CES5A: variants seen among roughly 807,000 people sequenced by gnomAD.
CES5A encodes carboxylesterase 5.
A neutral mutation model predicts 62.9 loss-of-function variants in CES5A; 67 were observed. The ratio of observed to expected loss-of-function variants is 1.07; its 90% CI spans 0.88 to 1.31. The LOEUF (loss-of-function observed/expected upper bound fraction) is 1.31, where lower values mean the gene tolerates loss of function less well. Ranked by LOEUF, CES5A falls within the 50% of genes most tolerant of loss-of-function variation. The pLI is 0.00. For synonymous variants in CES5A, 296 were observed against 280.8 expected (o/e 1.05, Z -0.54); for missense variants, 748 against 708.5 (o/e 1.06, Z -0.63).
chr16:55,929,467 C>T (rs1567358389), upstream of CES5A, among the ~76,000 whole-genome samples: 1 of 152,176 alleles, frequency 6.6e-6, no homozygotes, highest in Non-Finnish European at 1.5e-5. Flanking sequence ...GCACCCCACC[C>T]CCATGACTCC....
rs1233358584 is a variant in CES5A at position 55,863,405 on chromosome 16, C to A, written c.753G>T (p.Glu251Asp). 14 of 1,610,500 alleles carry A rather than the reference C, an allele frequency of 8.7e-6. No individual in the cohort carries two copies. Among genetic ancestry groups the A allele is most frequent in the Non-Finnish European group, 1.2e-5 (14 of 1,177,526 alleles). The change falls in exon 6 of 13, where the codon GAG becomes GAT. Residue 251 changes from glutamate to aspartate, a missense_variant. Transcript: ENST00000290567. ...AKGLFHKAIM[E>D]SGVAIIPYLE... is the part of the protein sequence containing the mutation. ...GGTAAGGGATGATGGCCACCCCACT[C>A]TCCATGATGGCTTTGTGGAATAAGC...
At chr16:55,891,601 C>A (rs1597137467) in intron 1 of CES5A, among the ~76,000 whole-genome samples, 1 of 152,288 alleles carries the variant, frequency 6.6e-6, no homozygotes, top group Middle Eastern at 3.4e-3. Flanking sequence ...CAAACAGTTG[C>A]ATTCTTTTGA....
intron 9 of CES5A, among the ~76,000 whole-genome samples, chr16:55,853,932 A>G (rs186106577): frequency 2.0e-4 from 31 of 152,308 alleles, no homozygotes; most frequent in Non-Finnish European, 3.8e-4. Flanking sequence ...GGAAGTGTAC[A>G]CCACATTGGG....
At chr16:55,855,092 G>C (rs2033213550) in intron 9 of CES5A, among the ~76,000 whole-genome samples, 1 of 152,170 alleles carries the variant, frequency 6.6e-6, no homozygotes, top group East Asian at 1.9e-4. Flanking sequence ...AGAGCTGCCT[G>C]TCCCCTCCTG....
At chr16:55,850,722 A>G (rs752310376) in intron 10 of CES5A, among the ~76,000 whole-genome samples, 1 of 152,218 alleles carries the variant, frequency 6.6e-6, no homozygotes, top group East Asian at 1.9e-4. Context: ...TCAGTTTTCA[A>G]TTATCTTGAG....
Position 55,860,335 on chromosome 16 carries a change from C to G in CES5A, c.916-648G>C, listed in dbSNP as rs1432303552. Among the ~76,000 whole-genome samples, 6 of 152,220 alleles carry G rather than the reference C, an allele frequency of 3.9e-5. No homozygotes were observed. In the East Asian group the frequency reaches 1.2e-3, roughly 29 times the overall value. ...TGAGAAGAGACTAATATAGCCTAGC[C>G]CAGAGATTCTCAAAGTGTGGTTCCT... On this transcript the variant is annotated intron_variant, in intron 7 of 12. Transcript: ENST00000290567.
At chr16:55,936,511 C>A (rs1456352193) in intron 2 of CES5A, among the ~76,000 whole-genome samples, 1 of 152,166 alleles carries the variant, frequency 6.6e-6, no homozygotes, top group Non-Finnish European at 1.5e-5. Flanking sequence ...TCTGTTGGAC[C>A]CAAGCATACA....
Position 55,946,551 on chromosome 16 carries a change from A to G in CES5A, c.160+3234T>C, listed in dbSNP as rs565025508. 9.2e-5 allele frequency among the ~76,000 whole-genome samples: 14 copies of G among 152,288 alleles called. No individual in the cohort carries two copies. In the East Asian group the frequency reaches 2.7e-3, roughly 29 times the overall value. On this transcript the variant is annotated intron_variant, in intron 2 of 13. Coordinates refer to the CES5A transcript ENST00000521992. ...TCAGTTCCTATGAGCAGCTGACCTCACTAACCTGAAACATACCTGAAATTC... is the reference window on the plus strand; with the variant it reads ...TCAGTTCCTATGAGCAGCTGACCTCGCTAACCTGAAACATACCTGAAATTC...
At chr16:55,910,564 C>T (rs151075499) in intron 1 of CES5A, among the ~76,000 whole-genome samples, 9 of 152,348 alleles carry the variant, frequency 5.9e-5, no homozygotes, top group Admixed American at 2.0e-4. Context: ...TCAATCACAA[C>T]GTAAACTCCG....
chr16:55,951,744 G>A lies in CES5A; in HGVS notation c.43-1842C>T, dbSNP rs555746972. Among the ~76,000 whole-genome samples, 86 of 152,188 alleles carry A rather than the reference G, an allele frequency of 5.7e-4. 1 individual carries two copies. The highest frequency in any genetic ancestry group is 2.0e-3 in the African/African-American group (82 of 41,536). On this transcript the variant is annotated intron_variant, in intron 1 of 13. Coordinates refer to the CES5A transcript ENST00000521992. ...GATAAAATATAACATCAATAGAGAC[G>A]ATATCTCAGCCATGAACTTTTATGC...
At chr16:55,897,942 A>T (rs1381732465) in intron 1 of CES5A, among the ~76,000 whole-genome samples, 12 of 152,232 alleles carry the variant, frequency 7.9e-5, no homozygotes, top group Non-Finnish European at 1.5e-4. Context: ...AATTTCCCAG[A>T]TAAAGTCAAA....
At chr16:55,881,338 G>A (rs761760334) in intron 1 of CES5A, among the ~76,000 whole-genome samples, 3 of 152,164 alleles carry the variant, frequency 2.0e-5, no homozygotes, top group Non-Finnish European at 4.4e-5. Context: ...TGAATGAATC[G>A]CGTGATGTGG....
At chr16:55,892,178 C>T (rs2033887177) in intron 1 of CES5A, among the ~76,000 whole-genome samples, 1 of 152,140 alleles carries the variant, frequency 6.6e-6, no homozygotes, top group African/African-American at 2.4e-5. Context: ...TCTATTGATC[C>T]CAGGTCTTTA....
chr16:55,890,848 C>T (rs2033869108), intron 1 of CES5A, among the ~76,000 whole-genome samples: 1 of 152,218 alleles, frequency 6.6e-6, no homozygotes, highest in Non-Finnish European at 1.5e-5. Context: ...ACCTGTAACA[C>T]AGCCTCAGGA....
chr16:55,945,053 G>A (rs2034480073), intron 2 of CES5A, among the ~76,000 whole-genome samples: 1 of 152,174 alleles, frequency 6.6e-6, no homozygotes, highest in Non-Finnish European at 1.5e-5. Flanking sequence ...ATTTTAAAAT[G>A]GGGTTAATAA....
chr16:55,951,058 C>A (rs553625134), intron 1 of CES5A, among the ~76,000 whole-genome samples: 1 of 133,282 alleles, frequency 7.5e-6, no homozygotes, highest in African/African-American at 2.8e-5. Flanking sequence ...GCCAGGATTG[C>A]GCCACAAACT....
Position 55,884,840 on chromosome 16 carries a change from C to T in CES5A, c.-255-10803G>A, listed in dbSNP as rs145461003. Among the ~76,000 whole-genome samples the T allele has an allele frequency of 1.8e-3, 277 of 152,242 alleles. 1 individual carries two copies. The highest frequency in any genetic ancestry group is 6.2e-3 in the African/African-American group (258 of 41,538). The stretch of plus-strand genomic sequence containing the variant: ...CTCCTTGGCTTAAGTGATCCGCCCA[C>T]CTAGGCCTTCCAAAGTGCTGGGATT... On this transcript the variant is annotated intron_variant, in intron 1 of 12. Coordinates refer to the CES5A transcript ENST00000518005.
At chr16:55,950,599 A>G (rs2034544133) in intron 1 of CES5A, among the ~76,000 whole-genome samples, 1 of 152,184 alleles carries the variant, frequency 6.6e-6, no homozygotes, top group Admixed American at 6.5e-5. Context: ...AGTTAAGAAA[A>G]AATGAAAGAG....
At chr16:55,932,897 G>A (rs1251396861) in intron 2 of CES5A, among the ~76,000 whole-genome samples, 1 of 152,254 alleles carries the variant, frequency 6.6e-6, no homozygotes, top group Non-Finnish European at 1.5e-5. Flanking sequence ...AAAGGTAGGA[G>A]TAGGGACATT....
Sources: allele counts gnomAD v4.1 joint callset (sites outside exome capture counted in the v4.1 genomes callset), GRCh38; gene constraint gnomAD v4.1.1; transcripts MANE v1.5; gene names NCBI Gene and HGNC (gene_info 2026-07-23, HGNC 2026-07-21).